The following GASK1B variants were observed in gnomAD, a reference collection of about 807,000 sequenced individuals.
The protein encoded by GASK1B is golgi associated kinase 1B, also known as Golgi-associated kinase 1B.
GASK1B carries 34 observed loss-of-function variants against 42.8 expected under a neutral mutation model. The ratio of observed to expected loss-of-function variants is 0.79; its 90% CI spans 0.60 to 1.06. GASK1B has a LOEUF of 1.06. Ranked by LOEUF, GASK1B falls within the 50% of genes least tolerant of loss-of-function variation. The probability of loss-of-function intolerance (pLI) is 0.00; values close to 1 mark genes in which losing one functional copy is unlikely to be tolerated. For missense variants in GASK1B, 686 were observed against 661.0 expected (o/e 1.04, Z -0.42); for synonymous variants, 262 against 259.1 (o/e 1.01, Z -0.11).
At chr4:158,137,012 A>T (rs1013198197) in intron 3 of GASK1B, among the ~76,000 whole-genome samples, 10 of 152,200 alleles carry the variant, frequency 6.6e-5, no homozygotes. Context: ...GAGTCAAATA[A>T]ACCAAATGAT....
intron 3 of GASK1B, among the ~76,000 whole-genome samples, chr4:158,136,878 A>G (rs762442333): frequency 1.3e-5 from 2 of 152,206 alleles, no homozygotes; most frequent in Non-Finnish European, 2.9e-5. Flanking sequence ...ATTTCACCCA[A>G]TGCCTACCAC....
intron 2 of GASK1B, among the ~76,000 whole-genome samples, chr4:158,161,044 T>A (rs1337543226): frequency 6.6e-6 from 1 of 151,994 alleles, no homozygotes; most frequent in African/African-American, 2.4e-5. Context: ...TTGCACAGAA[T>A]GGTGACTATA....
intron 2 of GASK1B, among the ~76,000 whole-genome samples, chr4:158,159,043 G>T (rs1257118690): frequency 6.6e-6 from 1 of 152,004 alleles, no homozygotes; most frequent in Non-Finnish European, 1.5e-5. Flanking sequence ...CATTAAAAAG[G>T]TGTCCTCAAA....
At chr4:158,138,592 A>C (rs2110947416) in intron 3 of GASK1B, among the ~76,000 whole-genome samples, 1 of 152,218 alleles carries the variant, frequency 6.6e-6, no homozygotes, top group South Asian at 2.1e-4. Flanking sequence ...CTTTTGCTTA[A>C]CTTGATGTGT....
At chr4:158,144,111 G>GTC (rs1317945648) in intron 3 of GASK1B, among the ~76,000 whole-genome samples, 1 of 151,960 alleles carries the variant, frequency 6.6e-6, no homozygotes, top group Non-Finnish European at 1.5e-5. Context: ...CACTTTCCCT[G>GTC]TCTCTATACA....
intron 3 of GASK1B, among the ~76,000 whole-genome samples, chr4:158,134,106 T>G (rs1334719591): frequency 6.6e-6 from 1 of 152,206 alleles, no homozygotes; most frequent in Non-Finnish European, 1.5e-5. Flanking sequence ...CAGAATTTTG[T>G]TTATAGGTTT....
chr4:158,139,133 C>T (rs1731018870), intron 3 of GASK1B, among the ~76,000 whole-genome samples: 1 of 152,130 alleles, frequency 6.6e-6, no homozygotes, highest in Non-Finnish European at 1.5e-5. Context: ...GGAGATAAAA[C>T]GAGTGACTCG....
chr4:158,137,963 C>G (rs1231918088), intron 3 of GASK1B, among the ~76,000 whole-genome samples: 2 of 152,168 alleles, frequency 1.3e-5, no homozygotes, highest in African/African-American at 4.8e-5. Context: ...ATTCATTGCT[C>G]TATTCCACCT....
Position 158,163,914 on chromosome 4 carries a change from T to G in GASK1B, c.910+6552A>C, listed in dbSNP as rs1732128756. Among the ~76,000 whole-genome samples, 3 of 152,302 alleles carry G rather than the reference T, an allele frequency of 2.0e-5. No homozygotes were observed. The South Asian group carries it at 6.2e-4, about 32-fold the overall frequency. The stretch of plus-strand genomic sequence containing the variant: ...TAAAAATGCTACTGAATTGAATTGA[T>G]TACAAACACATTGGAACTGTAACAA... On this transcript the variant is annotated intron_variant, in intron 2 of 4. Coordinates refer to ENST00000585682, the MANE Select transcript of GASK1B (RefSeq NM_001128424.2).
intron 3 of GASK1B, among the ~76,000 whole-genome samples, chr4:158,144,427 A>C (rs1380970519): frequency 6.6e-6 from 1 of 152,198 alleles, no homozygotes; most frequent in East Asian, 1.9e-4. Flanking sequence ...TGACAAACTT[A>C]GTTGTACACT....
At chr4:158,155,472 C>T in intron 3 of GASK1B, 139 bp downstream of exon 3, 2 of 751,278 alleles carry the variant, frequency 2.7e-6, no homozygotes, top group South Asian at 1.9e-5. Flanking sequence ...TGGCCAAAAC[C>T]ACAATTACTT....
At chr4:158,159,467 T>C (rs1317603025) in intron 2 of GASK1B, 5 of 426,414 alleles carry the variant, frequency 1.2e-5, no homozygotes, top group Non-Finnish European at 1.8e-5. Flanking sequence ...TTTGAAGAGA[T>C]GACAGAAAAA....
intron 3 of GASK1B, among the ~76,000 whole-genome samples, chr4:158,140,953 A>G (rs2110953443): frequency 6.6e-6 from 1 of 152,376 alleles, no homozygotes; most frequent in Admixed American, 6.5e-5. Context: ...TAATAAAATT[A>G]GAATGAATCC....
chr4:158,171,323 A>C lies in GASK1B; in HGVS notation c.53T>G (p.Leu18Arg). Residue 18 changes from leucine (L) to arginine (R), a missense_variant, in exon 2 of 5, where the codon CTG (leucine) becomes CGG (arginine). Coordinates refer to ENST00000585682, the MANE Select transcript of GASK1B (RefSeq NM_001128424.2). The part of the protein sequence containing the change: ...GQLINWFICS[L>R]CVPRVRKLWS... ...GAGCTTACGCACCCGCGGGACGCAC[A>C]GGGAGCAGATGAACCAGTTTATGAG... 1.2e-6 allele frequency: 2 copies of C among 1,611,968 alleles called. No homozygotes were observed. Among genetic ancestry groups the C allele is most frequent in the Non-Finnish European group, 1.7e-6 (2 of 1,178,956 alleles).
At chr4:158,139,573 C>A (rs1244997988) in intron 3 of GASK1B, among the ~76,000 whole-genome samples, 2 of 152,016 alleles carry the variant, frequency 1.3e-5, no homozygotes, top group Admixed American at 6.5e-5. Flanking sequence ...TTTTAGAATT[C>A]TTTGACACTC....
At chr4:158,131,312 G>A (rs1424516291) in intron 3 of GASK1B, among the ~76,000 whole-genome samples, 1 of 152,146 alleles carries the variant, frequency 6.6e-6, no homozygotes, top group African/African-American at 2.4e-5. Flanking sequence ...CACATGGCCA[G>A]CACAATCTCT....
At chr4:158,130,597 C>A (rs930413376) in intron 4 of GASK1B, among the ~76,000 whole-genome samples, 189 bp downstream of exon 4, 1 of 152,122 alleles carries the variant, frequency 6.6e-6, no homozygotes, top group Non-Finnish European at 1.5e-5. Flanking sequence ...TTGATAGAGG[C>A]GCTATGGCTG....
chr4:158,132,567 C>G (rs1453771845), intron 3 of GASK1B, among the ~76,000 whole-genome samples: 2 of 152,152 alleles, frequency 1.3e-5, no homozygotes, highest in African/African-American at 4.8e-5. Flanking sequence ...GCTTCAAGAA[C>G]TGGACAAAGG....
intron 3 of GASK1B, among the ~76,000 whole-genome samples, chr4:158,151,356 T>C (rs906133852): frequency 2.0e-5 from 3 of 152,154 alleles, no homozygotes; most frequent in Non-Finnish European, 2.9e-5. Flanking sequence ...AAACACAGTA[T>C]GGAATGTTGG....
Sources: allele counts gnomAD v4.1 joint callset (sites outside exome capture counted in the v4.1 genomes callset), GRCh38; gene constraint gnomAD v4.1.1; transcripts MANE v1.5; gene names NCBI Gene and HGNC (gene_info 2026-07-23, HGNC 2026-07-21).